The following LRRC4C variants were observed in gnomAD, a reference collection of about 807,000 sequenced individuals.
LRRC4C encodes the protein leucine-rich repeat-containing protein 4C.
LRRC4C carries 5 observed loss-of-function variants against 33.6 expected under a neutral mutation model. That is an observed-to-expected ratio of 0.15 (90% CI 0.08 to 0.31). LRRC4C has a LOEUF of 0.31. Among genes scored for constraint, LRRC4C ranks in the 10% least tolerant of loss-of-function variants. The pLI, the probability that LRRC4C is intolerant of heterozygous loss-of-function variation, is 1.00. For synonymous variants in LRRC4C, 329 were observed against 302.0 expected (o/e 1.09, Z -0.93); for missense variants, 560 against 796.7 (o/e 0.70, Z 3.58).
chr11:40,943,995 TA>T (rs1472243872), intron 1 of LRRC4C, among the ~76,000 whole-genome samples: 4 of 152,170 alleles, frequency 2.6e-5, no homozygotes, highest in African/African-American at 9.6e-5. Flanking sequence ...TTAGTTTCCT[TA>T]ATTGGAATAG....
chr11:40,572,263 T>C (rs1215482121), intron 3 of LRRC4C, among the ~76,000 whole-genome samples: 2 of 152,166 alleles, frequency 1.3e-5, no homozygotes, highest in South Asian at 4.1e-4. Flanking sequence ...CAGCCTGGGA[T>C]AGATACTAAG....
intron 3 of LRRC4C, among the ~76,000 whole-genome samples, chr11:40,577,226 G>A (rs1338492784): frequency 1.3e-5 from 2 of 152,162 alleles, no homozygotes; most frequent in African/African-American, 4.8e-5. Context: ...AAAGCTAACA[G>A]GTCCAATTCT....
intron 1 of LRRC4C, among the ~76,000 whole-genome samples, chr11:41,195,254 A>G (rs1004295197): frequency 1.3e-5 from 2 of 152,162 alleles, no homozygotes; most frequent in African/African-American, 2.4e-5. Flanking sequence ...AATACTATTT[A>G]AATTAGTCTT....
intron 3 of LRRC4C, among the ~76,000 whole-genome samples, chr11:40,526,458 G>A (rs1956053564): frequency 6.6e-6 from 1 of 150,558 alleles, no homozygotes; most frequent in African/African-American, 2.5e-5. Context: ...TATCTAAATG[G>A]CCAATAAACA....
At chr11:40,816,851 A>G (rs1951725549) in intron 2 of LRRC4C, among the ~76,000 whole-genome samples, 1 of 152,078 alleles carries the variant, frequency 6.6e-6, no homozygotes, top group Non-Finnish European at 1.5e-5. Flanking sequence ...TTTGCAAAAG[A>G]TATTATATTC....
chr11:41,325,845 C>T (rs1591272360), intron 1 of LRRC4C, among the ~76,000 whole-genome samples: 1 of 152,030 alleles, frequency 6.6e-6, no homozygotes, highest in East Asian at 1.9e-4. Context: ...TAATGCTAGA[C>T]CCTGGTGGCG....
intron 5 of LRRC4C, among the ~76,000 whole-genome samples, chr11:40,236,962 C>T (rs1865606648): frequency 6.6e-6 from 1 of 152,074 alleles, no homozygotes; most frequent in South Asian, 2.1e-4. Context: ...GCTGAGAACA[C>T]CATTTACTAG....
At chr11:40,994,220 G>A (rs1321259023) in intron 1 of LRRC4C, among the ~76,000 whole-genome samples, 1 of 152,130 alleles carries the variant, frequency 6.6e-6, no homozygotes, top group East Asian at 1.9e-4. Flanking sequence ...ATTCATGAGT[G>A]CGCCATGGAG....
At chr11:40,243,854 ATTTTTTTTTT>A (rs60367465) in intron 4 of LRRC4C, among the ~76,000 whole-genome samples, 1 of 127,406 alleles carries the variant, frequency 7.8e-6, no homozygotes, top group Non-Finnish European at 1.7e-5. Flanking sequence ...ACACCTGGGT[ATTTTTTTTTT>A]TTTTTTTGGA....
At chr11:40,213,710 A>C (rs1187220384) in intron 5 of LRRC4C, among the ~76,000 whole-genome samples, 1 of 152,174 alleles carries the variant, frequency 6.6e-6, no homozygotes, top group Non-Finnish European at 1.5e-5. Flanking sequence ...GAGCTCAGAC[A>C]GATTTCATCT....
intron 6 of LRRC4C, among the ~76,000 whole-genome samples, chr11:40,121,110 G>A (rs567707945): frequency 6.6e-6 from 1 of 152,030 alleles, no homozygotes; most frequent in Non-Finnish European, 1.5e-5. Flanking sequence ...CAATAATATC[G>A]CTTATTCAAA....
intron 1 of LRRC4C, among the ~76,000 whole-genome samples, chr11:40,992,999 C>T (rs1440873432): frequency 6.6e-6 from 1 of 152,152 alleles, no homozygotes. Context: ...GTCCTAACTG[C>T]TCACAAACGA....
intron 2 of LRRC4C, among the ~76,000 whole-genome samples, chr11:40,714,591 G>A (rs1018875118): frequency 2.6e-5 from 4 of 152,128 alleles, no homozygotes; most frequent in Non-Finnish European, 5.9e-5. Flanking sequence ...TAATCCTCAA[G>A]TATTTGTAGA....
At chr11:40,976,942 T>C (rs114442557) in intron 1 of LRRC4C, among the ~76,000 whole-genome samples, 48 of 152,194 alleles carry the variant, frequency 3.2e-4, no homozygotes, top group African/African-American at 1.1e-3. Flanking sequence ...ATAGTAATAA[T>C]AATGAAATAA....
intron 4 of LRRC4C, among the ~76,000 whole-genome samples, chr11:40,294,638 C>T (rs1944416492): frequency 6.6e-6 from 1 of 151,900 alleles, no homozygotes; most frequent in South Asian, 2.1e-4. Flanking sequence ...ACCAACCTGC[C>T]CAACATTGTG....
intron 1 of LRRC4C, among the ~76,000 whole-genome samples, chr11:41,286,192 A>T: frequency 6.6e-6 from 1 of 152,140 alleles, no homozygotes; most frequent in East Asian, 1.9e-4. Flanking sequence ...TTCTCATGTG[A>T]CTGGATTCAT....
chr11:40,187,761 T>C (rs1354373136), intron 5 of LRRC4C, among the ~76,000 whole-genome samples: 1 of 152,160 alleles, frequency 6.6e-6, no homozygotes, highest in Non-Finnish European at 1.5e-5. Context: ...GGGTAGAGGA[T>C]TCCAAATGAC....
chr11:40,531,729 TGA>T (rs1956279539), intron 3 of LRRC4C, among the ~76,000 whole-genome samples: 1 of 151,894 alleles, frequency 6.6e-6, no homozygotes, highest in Admixed American at 6.6e-5. Flanking sequence ...GATGAAACAA[TGA>T]GAGAGGAGGA....
chr11:40,858,994 C>G (rs1415406507), intron 2 of LRRC4C, among the ~76,000 whole-genome samples: 1 of 152,146 alleles, frequency 6.6e-6, no homozygotes, highest in Non-Finnish European at 1.5e-5. Context: ...TGAGAATCAT[C>G]AAATTTTCAG....
Sources: gnomAD v4.1 joint callset for allele counts (sites outside exome capture counted in the v4.1 genomes callset) on GRCh38, gnomAD v4.1.1 for gene constraint, MANE v1.5 for transcripts, NCBI Gene and HGNC (gene_info 2026-07-23, HGNC 2026-07-21) for gene names.